NLK: variants seen among roughly 807,000 people sequenced by gnomAD.
The protein encoded by NLK is nemo like kinase, also known as serine/threonine-protein kinase NLK.
Under a neutral mutation model 59.0 loss-of-function variants are expected in NLK, and 11 were observed. That is an observed-to-expected ratio of 0.19 (90% confidence interval 0.12 to 0.31). The LOEUF (loss-of-function observed/expected upper bound fraction) is 0.31. Among genes scored for constraint, NLK ranks in the 10% least tolerant of loss-of-function variants. The probability of loss-of-function intolerance (pLI) is 1.00; values close to 1 mark genes in which losing one functional copy is unlikely to be tolerated. For missense variants in NLK, 410 were observed against 661.1 expected, an observed-to-expected ratio of 0.62 and a Z score of 4.16; for synonymous variants, 235 against 235.9, an observed-to-expected ratio of 1.00 and a Z score of 0.03.
rs760796397 is a variant in NLK, at chr17:28,191,180, A to G, written c.1396A>G (p.Thr466Ala). The G allele has an allele frequency of 1.2e-6, 2 of 1,613,090 alleles. No individual in the cohort carries two copies. Among genetic ancestry groups the G allele is most frequent in the Non-Finnish European group, 1.7e-6 (2 of 1,179,608 alleles). ...EPVTNPKFDD[T>A]FEKNLSSVRQ... ...TGTCACCAATCCCAAATTTGATGACACTTTCGAGAAGAACCTCAGTTCTGT... is the reference window on the plus strand; with the variant it reads ...TGTCACCAATCCCAAATTTGATGACGCTTTCGAGAAGAACCTCAGTTCTGT... The change falls in exon 9 of 11, where the codon ACT (threonine) becomes GCT (alanine). Residue 466 changes from threonine (T) to alanine (A), a missense_variant. Transcript: ENST00000407008.
chr17:28,056,604 C>T (rs1192389427), intron 1 of NLK, among the ~76,000 whole-genome samples: 1 of 152,174 alleles, frequency 6.6e-6, no homozygotes, highest in Admixed American at 6.5e-5. Flanking sequence ...GGGCCAGTGA[C>T]TCTGATTAAA....
At chr17:28,175,188 G>A (rs1377135788) in intron 7 of NLK, among the ~76,000 whole-genome samples, 1 of 151,888 alleles carries the variant, frequency 6.6e-6, no homozygotes, top group East Asian at 1.9e-4. Context: ...GCTCACACCT[G>A]TAATCCCAGC....
At chr17:28,057,553 A>G (rs898253890) in intron 1 of NLK, among the ~76,000 whole-genome samples, 2 of 152,224 alleles carry the variant, frequency 1.3e-5, no homozygotes, top group African/African-American at 4.8e-5. Context: ...TCCATTCTAC[A>G]AACTTTTTTT....
At position 28,051,674 on chromosome 17, in the gene NLK, C is replaced by A. The variant is rs1909262646; in HGVS notation, c.458+8343C>A. On this transcript the variant is annotated intron_variant, in intron 1 of 10. Transcript: ENST00000407008. ...GCCCGGCTTTTTTTTTTTTTTTAAA[C>A]AATGGGGTAATAGATTACTAAACTA... Among the ~76,000 whole-genome samples the A allele has an allele frequency of 3.5e-5, 5 of 143,286 alleles. No homozygotes were observed. In the South Asian group the frequency reaches 8.9e-4, roughly 26 times the overall value. 94.0% of individuals were successfully genotyped at this position (143,286 alleles called of 152,430 possible).
intron 1 of NLK, among the ~76,000 whole-genome samples, chr17:28,101,407 A>G (rs1904897561): frequency 6.6e-6 from 1 of 152,194 alleles, no homozygotes; most frequent in Admixed American, 6.5e-5. Flanking sequence ...ACATGAATCC[A>G]TGGGCATGGT....
intron 1 of NLK, among the ~76,000 whole-genome samples, chr17:28,055,185 C>A (rs991420761): frequency 6.6e-6 from 1 of 150,542 alleles, no homozygotes; most frequent in African/African-American, 2.4e-5. Context: ...CTCTGCCTCT[C>A]GGGTTCAAGC....
At position 28,168,557 on chromosome 17, in the gene NLK, G is replaced by A. The variant is rs142693011; in HGVS notation, c.947G>A (p.Arg316His). 5.6e-5 allele frequency: 91 copies of A among 1,613,468 alleles called. No individual in the cohort carries two copies. The highest frequency in any genetic ancestry group is 1.5e-4 in the African/African-American group (11 of 74,896). The part of the protein sequence containing the change: ...YRAPEILMGS[R>H]HYSNAIDIWS... ...GCTCCAGAAATCCTGATGGGCAGCC[G>A]TCATTACAGCAATGCTATTGACATC... The change falls in exon 6 of 11, where the codon CGT (arginine) becomes CAT (histidine). Residue 316 changes from arginine (R) to histidine (H), a missense_variant. By Grantham distance (29) the Arg-to-His change is conservative. Transcript: ENST00000407008.
At chr17:28,132,156 T>G (rs1006840802) in intron 2 of NLK, among the ~76,000 whole-genome samples, 3 of 152,184 alleles carry the variant, frequency 2.0e-5, no homozygotes, top group Non-Finnish European at 2.9e-5. Context: ...TGTAACTGTT[T>G]AGTGCTTACC....
chr17:28,043,102 G>A lies in NLK; in HGVS notation c.229G>A (p.Ala77Thr). The change falls in exon 1 of 11, where the codon GCA (alanine) becomes ACA (threonine). Residue 77 changes from alanine to threonine, a missense_variant. Coordinates refer to ENST00000407008, the MANE Select transcript of NLK (RefSeq NM_016231.5). ...CTCTTCGGCAGCTGCGGCAGCCGCA[G>A]CAGCGGCTGCAGCTGCAGCCATGTT... ...HTSSAAAAAAAAAAAAAMLNP... is the reference protein window; with the variant it reads ...HTSSAAAAAATAAAAAAMLNP... 1 of 1,584,706 alleles carries A rather than the reference G, an allele frequency of 6.3e-7. No homozygotes were observed. Among genetic ancestry groups the A allele is most frequent in the Non-Finnish European group, 8.6e-7 (1 of 1,165,646 alleles).
At chr17:28,180,158 C>A (rs377535413) in intron 7 of NLK, among the ~76,000 whole-genome samples, 1 of 152,064 alleles carries the variant, frequency 6.6e-6, no homozygotes. Flanking sequence ...TATGGCTGTT[C>A]TAGGCTGAAA....
chr17:28,191,082 G>A lies in NLK; in HGVS notation c.1298G>A (p.Arg433Gln). 3 of 1,613,574 alleles carry A rather than the reference G, an allele frequency of 1.9e-6. No individual in the cohort carries two copies. The highest frequency in any genetic ancestry group is 1.1e-5 in the South Asian group (1 of 90,978). Residue 433 changes from arginine to glutamine, a missense_variant, in exon 9 of 11, where the codon CGA (arginine) becomes CAA (glutamine). Arg to Gln is a conservative substitution (Grantham distance 43). Coordinates refer to ENST00000407008, the MANE Select transcript of NLK (RefSeq NM_016231.5). ...AHPYLDEGRL[R>Q]YHTCMCKCCF... ...CCCTACCTAGATGAAGGGCGACTACGATATCACACATGTATGTGTAAATGT... is the reference window on the plus strand; with the variant it reads ...CCCTACCTAGATGAAGGGCGACTACAATATCACACATGTATGTGTAAATGT...
intron 7 of NLK, among the ~76,000 whole-genome samples, chr17:28,173,883 CT>C (rs890411476): frequency 6.6e-6 from 1 of 152,126 alleles, no homozygotes; most frequent in Non-Finnish European, 1.5e-5. Flanking sequence ...TAAATCTTGC[CT>C]GGTTCAAGGT....
In NLK at chr17:28,191,007, T is replaced by A. The variant is rs754215420; in HGVS notation, c.1237-14T>A. ...TCTGTAGTGTTGATGTGCTGGTCTC[T>A]AATTTGATTTCAGTCCAAAAGAATA... is the stretch of plus-strand genomic sequence containing the variant. On this transcript the variant is annotated splice_polypyrimidine_tract_variant and intron_variant, in intron 8 of 10. Transcript: ENST00000407008. The A allele has an allele frequency of 1.3e-6, 2 of 1,571,330 alleles. No individual in the cohort carries two copies. The highest frequency in any genetic ancestry group is 1.7e-6 in the Non-Finnish European group (2 of 1,160,092).
chr17:28,196,978 G>C (rs181749377), downstream of NLK, among the ~76,000 whole-genome samples: 2 of 152,100 alleles, frequency 1.3e-5, no homozygotes, highest in Admixed American at 1.3e-4. Flanking sequence ...TTTTTTTCCT[G>C]ACATTGAGGC....
chr17:28,107,328 G>A (rs988960343), intron 1 of NLK, among the ~76,000 whole-genome samples: 3 of 151,944 alleles, frequency 2.0e-5, no homozygotes, highest in South Asian at 2.1e-4. Context: ...CCAGCTACTC[G>A]GGAGGCTGAG....
At chr17:28,184,892 G>T (rs1909056232) in intron 7 of NLK, among the ~76,000 whole-genome samples, 2 of 152,172 alleles carry the variant, frequency 1.3e-5, no homozygotes, top group African/African-American at 4.8e-5. Context: ...AGGTTGCAGT[G>T]AACCAAGATG....
chr17:28,096,314 C>T (rs1157300520), intron 1 of NLK, among the ~76,000 whole-genome samples: 1 of 151,946 alleles, frequency 6.6e-6, no homozygotes, highest in Non-Finnish European at 1.5e-5. Flanking sequence ...AGAAAAAGTA[C>T]AATGTGGTTT....
chr17:28,198,417 A>G (rs1484499008), downstream of NLK, among the ~76,000 whole-genome samples: 1 of 152,104 alleles, frequency 6.6e-6, no homozygotes, highest in Non-Finnish European at 1.5e-5. Flanking sequence ...TCCGCCTCCC[A>G]GGCTCAAGCG....
At chr17:28,142,436 A>G (rs1187108924) in intron 3 of NLK, among the ~76,000 whole-genome samples, 1 of 152,202 alleles carries the variant, frequency 6.6e-6, no homozygotes, top group Non-Finnish European at 1.5e-5. Flanking sequence ...AGTGATTCTA[A>G]TTGAAGCACA....
Sources: gnomAD v4.1 joint callset for allele counts (sites outside exome capture counted in the v4.1 genomes callset) on GRCh38, gnomAD v4.1.1 for gene constraint, MANE v1.5 for transcripts, NCBI Gene and HGNC (gene_info 2026-07-23, HGNC 2026-07-21) for gene names.